Variants in ZRANB3 observed in about 807,000 individuals in gnomAD.
ZRANB3 encodes zinc finger RANBP2-type containing 3, also known as DNA annealing helicase and endonuclease ZRANB3.
A neutral mutation model predicts 133.8 loss-of-function variants in ZRANB3; 125 were observed. The ratio of observed to expected loss-of-function variants is 0.93; its 90% CI spans 0.81 to 1.08. The LOEUF (loss-of-function observed/expected upper bound fraction) is 1.08, where lower values mean the gene tolerates loss of function less well. Among genes scored for constraint, ZRANB3 ranks in the 50% least tolerant of loss-of-function variants. The pLI is 0.00. For synonymous variants in ZRANB3, 387 were observed against 432.7 expected (o/e 0.89, Z 1.31); for missense variants, 1,229 against 1,275.5 (o/e 0.96, Z 0.56).
chr2:135,393,554 G>C (rs2104929428), intron 2 of ZRANB3, among the ~76,000 whole-genome samples: 1 of 152,190 alleles, frequency 6.6e-6, no homozygotes, highest in Middle Eastern at 3.4e-3. Flanking sequence ...AAAAGCACCA[G>C]ATGGAGGAGA....
chr2:135,268,182 G>A (rs934513543), intron 11 of ZRANB3, among the ~76,000 whole-genome samples: 3 of 151,484 alleles, frequency 2.0e-5, no homozygotes, highest in Admixed American at 1.3e-4. Context: ...TTGAGACAGA[G>A]TCTTGCTCTG....
chr2:135,364,122 AAGGGAAGGAAGGAGGG>A (rs974047045), intron 3 of ZRANB3, among the ~76,000 whole-genome samples: 2 of 151,084 alleles, frequency 1.3e-5, no homozygotes, highest in Non-Finnish European at 3.0e-5. Flanking sequence ...GGGAAGGAAG[AAGGGAAGGAAGGAGGG>A]AGGGAAGGAA....
intron 6 of ZRANB3, among the ~76,000 whole-genome samples, chr2:135,319,873 C>T (rs1005962746): frequency 7.9e-5 from 12 of 152,112 alleles, no homozygotes; most frequent in African/African-American, 2.9e-4. Flanking sequence ...CATCACAAAA[C>T]ACAAGGAAAA....
chr2:135,528,834 T>C (rs958414252), intron 1 of ZRANB3, among the ~76,000 whole-genome samples: 1 of 151,398 alleles, frequency 6.6e-6, no homozygotes, highest in Non-Finnish European at 1.5e-5. Flanking sequence ...TTACTTTGTA[T>C]ACAAACATCA....
chr2:135,264,610 C>T (rs1013299849), intron 12 of ZRANB3, among the ~76,000 whole-genome samples: 8 of 151,928 alleles, frequency 5.3e-5, no homozygotes, highest in African/African-American at 1.5e-4. Flanking sequence ...AGTGTTATAC[C>T]GCTACTTACT....
rs564017605 is a variant in ZRANB3 at position 135,383,492 on chromosome 2, G to A, written c.180+7310C>T. Among the ~76,000 whole-genome samples the A allele has an allele frequency of 3.0e-3, 456 of 152,074 alleles. 2 individuals carry two copies. Among genetic ancestry groups the A allele is most frequent in the African/African-American group, 0.01 (430 of 41,506 alleles). ...AATTGAACTCAGCTCTGCACCAAGC[G>A]GACCTAATAGACATCTACAGAACTC... On this transcript the variant is annotated intron_variant, in intron 3 of 20. Transcript: ENST00000264159.
chr2:135,416,642 C>T (rs1183929246), intron 2 of ZRANB3, among the ~76,000 whole-genome samples: 1 of 150,192 alleles, frequency 6.7e-6, no homozygotes, highest in Non-Finnish European at 1.5e-5. Context: ...AAAGAGCCCG[C>T]ATCGCCAAGT....
intron 2 of ZRANB3, among the ~76,000 whole-genome samples, chr2:135,450,366 G>T (rs1690214332): frequency 6.6e-6 from 1 of 150,902 alleles, no homozygotes; most frequent in Non-Finnish European, 1.5e-5. Context: ...CACTTCATAT[G>T]CATTAACTCT....
chr2:135,204,698 TA>T, intron 19 of ZRANB3, among the ~76,000 whole-genome samples: 1 of 143,058 alleles, frequency 7.0e-6, no homozygotes. Flanking sequence ...ATATATACAA[TA>T]ATATATATTA....
chr2:135,217,469 T>C lies in ZRANB3; in HGVS notation c.2491A>G (p.Lys831Glu). 6.2e-7 allele frequency: 1 copy of C among 1,604,944 alleles called. No individual in the cohort carries two copies. The highest frequency in any genetic ancestry group is 1.7e-5 in the Admixed American group (1 of 58,144). Residue 831 changes from lysine (K) to glutamate (E), a missense_variant, in exon 17 of 21, where the codon AAA becomes GAA. Transcript: ENST00000264159. Reference protein sequence around the residue: ...TKQQTKQNCTKRYITKEDVAV... With the variant: ...TKQQTKQNCTERYITKEDVAV... Reference sequence around the variant, plus strand: ...TTAAAAAAAGACAACTCATACCTTTTGGTGCAATTTTGTTTGGTTTGTTGC... The same window carrying C: ...TTAAAAAAAGACAACTCATACCTTTCGGTGCAATTTTGTTTGGTTTGTTGC...
At position 135,296,370 on chromosome 2, in the gene ZRANB3, C is replaced by T. The variant is rs539001993; in HGVS notation, c.966+17119G>A. Among the ~76,000 whole-genome samples the T allele has an allele frequency of 1.1e-4, 16 of 152,310 alleles. No individual in the cohort carries two copies. The South Asian group carries it at 2.1e-3, about 20-fold the overall frequency. On this transcript the variant is annotated intron_variant, in intron 8 of 20. Transcript: ENST00000264159. The stretch of plus-strand genomic sequence containing the variant: ...TACACTTTCTTCCAATTGATCGCAT[C>T]GGCTACTGAGGCTTGTGCCTTCGTC...
intron 12 of ZRANB3, among the ~76,000 whole-genome samples, chr2:135,245,878 A>G (rs1695765079): frequency 8.2e-6 from 1 of 122,362 alleles, no homozygotes; most frequent in African/African-American, 3.2e-5. Context: ...GTGAGCCGAG[A>G]TCGCGTCATT....
At chr2:135,474,438 T>C (rs1691413546) in intron 2 of ZRANB3, among the ~76,000 whole-genome samples, 1 of 152,120 alleles carries the variant, frequency 6.6e-6, no homozygotes, top group Non-Finnish European at 1.5e-5. Flanking sequence ...GGGAGGAATC[T>C]GGCTCATGGG....
intron 4 of ZRANB3, among the ~76,000 whole-genome samples, chr2:135,352,986 A>C (rs1223129848): frequency 1.3e-5 from 2 of 152,150 alleles, no homozygotes; most frequent in Middle Eastern, 3.2e-3. Flanking sequence ...GATATAAAAT[A>C]TTAAAATTAT....
intron 1 of ZRANB3, chr2:135,511,270 CA>C: frequency 9.8e-7 from 1 of 1,023,244 alleles, no homozygotes; most frequent in Non-Finnish European, 1.6e-6. Context: ...TGAGCATCCT[CA>C]GGAGCAGTTT....
chr2:135,294,892 C>T (rs187701384), intron 8 of ZRANB3, among the ~76,000 whole-genome samples: 25 of 152,154 alleles, frequency 1.6e-4, no homozygotes, highest in Middle Eastern at 3.4e-3. Context: ...TCAGTTTCCA[C>T]GTAGTTGAGC....
At chr2:135,518,386 G>A (rs1006710918) in intron 1 of ZRANB3, among the ~76,000 whole-genome samples, 4 of 152,302 alleles carry the variant, frequency 2.6e-5, no homozygotes, top group Non-Finnish European at 2.9e-5. Context: ...CCCTGGTGGT[G>A]TAGGTACCCT....
chr2:135,321,876 T>C (rs1420164339), intron 6 of ZRANB3, among the ~76,000 whole-genome samples: 1 of 152,218 alleles, frequency 6.6e-6, no homozygotes, highest in African/African-American at 2.4e-5. Flanking sequence ...TCTCTCCAAG[T>C]TTATGGCTTG....
chr2:135,496,317 G>C (rs1171628690), intron 2 of ZRANB3, among the ~76,000 whole-genome samples: 1 of 144,026 alleles, frequency 6.9e-6, no homozygotes, highest in Non-Finnish European at 1.5e-5. Context: ...ACAGGAGGCA[G>C]AGGTTGCAGT....
Sources: gnomAD v4.1 joint callset for allele counts (sites outside exome capture counted in the v4.1 genomes callset) on GRCh38, gnomAD v4.1.1 for gene constraint, MANE v1.5 for transcripts, NCBI Gene and HGNC (gene_info 2026-07-23, HGNC 2026-07-21) for gene names.